The following PAQR3 variants were observed in gnomAD, a reference collection of about 807,000 sequenced individuals.
The protein encoded by PAQR3 is progestin and adipoQ receptor family member 3, also known as Raf kinase trapping to Golgi.
PAQR3 carries 39 observed loss-of-function variants against 41.7 expected under a neutral mutation model. The ratio of observed to expected loss-of-function variants is 0.93; its 90% confidence interval spans 0.72 to 1.22. The LOEUF (loss-of-function observed/expected upper bound fraction) is 1.22. PAQR3 is among the 50% of genes most tolerant of loss of function. The pLI, the probability that PAQR3 is intolerant of heterozygous loss-of-function variation, is 0.00. For synonymous variants in PAQR3, 140 were observed against 140.6 expected (o/e 1.00, Z 0.03); for missense variants, 366 against 385.6 (o/e 0.95, Z 0.42).
chr4:78,904,637 C>A (rs182709358), intron 11 of PAQR3, among the ~76,000 whole-genome samples: 1 of 152,002 alleles, frequency 6.6e-6, no homozygotes, highest in East Asian at 1.9e-4. Flanking sequence ...CAGACTCAAC[C>A]TCAAAAGATG....
At chr4:78,892,481 C>T (rs1733491874) in intron 11 of PAQR3, among the ~76,000 whole-genome samples, 1 of 152,148 alleles carries the variant, frequency 6.6e-6, no homozygotes, top group African/African-American at 2.4e-5. Flanking sequence ...TTTTATCAAA[C>T]TTGCTAAGGT....
Position 78,939,208 on chromosome 4 carries a change from A to T in PAQR3, c.17T>A (p.Leu6Gln), listed in dbSNP as rs756249945. 18 of 1,602,230 alleles carry T rather than the reference A, an allele frequency of 1.1e-5. No homozygotes were observed. The East Asian group carries it at 3.9e-4, about 35-fold the overall frequency. The change falls in exon 1 of 6, where the codon CTG becomes CAG. Residue 6 changes from leucine to glutamine, a missense_variant. By Grantham distance (113) the Leu-to-Gln change is moderately radical. Coordinates refer to ENST00000512733, the MANE Select transcript of PAQR3 (RefSeq NM_001040202.2). MHQKL[L>Q]KSAHYIELGS... is the part of the protein sequence containing the mutation. ...CAGCTCGATGTAATGCGCGCTCTTC[A>T]GCAGCTTCTGATGCATCGTTCCCGG...
At position 78,913,405 on chromosome 4, in the gene PAQR3, C is replaced by G. The variant is rs1734777927; in HGVS notation, c.*7134G>C. 1 of 152,140 alleles carries G rather than the reference C, an allele frequency of 6.6e-6. No homozygotes were observed. The highest frequency in any genetic ancestry group is 6.5e-5 in the Admixed American group (1 of 15,274). 9.4% of individuals were successfully genotyped at this position (152,140 alleles called of 1,614,324 possible). ...AGAAATCATTTAATGATAGAGATTA[C>G]ATATGTGAATTAATGTGAATATAGT... On this transcript the variant is annotated 3_prime_UTR_variant, in exon 6 of 6. Coordinates refer to ENST00000512733, the MANE Select transcript of PAQR3 (RefSeq NM_001040202.2).
intron 1 of PAQR3, among the ~76,000 whole-genome samples, chr4:78,936,637 A>C (rs978461687): frequency 2.6e-5 from 4 of 152,234 alleles, no homozygotes; most frequent in African/African-American, 9.6e-5. Context: ...TATCATGTAC[A>C]AGCATCAAGT....
intron 11 of PAQR3, among the ~76,000 whole-genome samples, chr4:78,894,960 C>CG (rs774717244): frequency 1.7e-4 from 26 of 152,230 alleles, no homozygotes; most frequent in Non-Finnish European, 3.4e-4. Context: ...AACAGCTGGT[C>CG]GGTAGATCAG....
chr4:78,894,162 G>A (rs767504215), intron 11 of PAQR3, among the ~76,000 whole-genome samples: 2 of 152,100 alleles, frequency 1.3e-5, no homozygotes, highest in Non-Finnish European at 2.9e-5. Context: ...GTTCTTAAGG[G>A]CCTCGAAGTT....
chr4:78,922,494 ACTG>A lies in PAQR3; in HGVS notation c.793+1360_793+1362del. ...TGCTCCCTGACTCATAGCTCTCCAA[ACTG>A]AAAAAAAACATCAGTTTTATGTACT... is the stretch of plus-strand genomic sequence containing the variant. On this transcript the variant is annotated intron_variant, in intron 5 of 5. Coordinates refer to ENST00000512733, the MANE Select transcript of PAQR3 (RefSeq NM_001040202.2). The A allele has an allele frequency of 2.5e-6, 3 of 1,196,094 alleles. No homozygotes were observed. In the Admixed American group the frequency reaches 6.9e-5, roughly 28 times the overall value. The allele number at this position is 1,196,094 out of a possible 1,614,324, so 74.1% of individuals were successfully genotyped here. A position where few individuals can be genotyped will look rare whatever the true frequency, so the allele number is the denominator to read the frequency against.
intron 2 of PAQR3, among the ~76,000 whole-genome samples, chr4:78,932,739 T>C (rs1737031557): frequency 6.6e-6 from 1 of 152,078 alleles, no homozygotes; most frequent in Non-Finnish European, 1.5e-5. Context: ...AAAGAAACTA[T>C]GGTATCCAAG....
At chr4:78,893,780 G>A (rs1012578286) in intron 11 of PAQR3, among the ~76,000 whole-genome samples, 6 of 152,122 alleles carry the variant, frequency 3.9e-5, no homozygotes, top group African/African-American at 7.2e-5. Flanking sequence ...GCCCAGGTTC[G>A]TCTTGAACTC....
At chr4:78,897,422 A>C (rs1733760085) in intron 11 of PAQR3, among the ~76,000 whole-genome samples, 1 of 151,962 alleles carries the variant, frequency 6.6e-6, no homozygotes, top group Non-Finnish European at 1.5e-5. Flanking sequence ...AGCAATGTAC[A>C]AATGTGTCTC....
chr4:78,911,028 A>G (rs1401884846), downstream of PAQR3: 1 of 1,613,784 alleles, frequency 6.2e-7, no homozygotes, highest in South Asian at 1.1e-5. Flanking sequence ...CTGGCAGTGG[A>G]CCAACCCAAG....
chr4:78,932,966 C>T, intron 2 of PAQR3: 2 of 337,064 alleles, frequency 5.9e-6, no homozygotes, highest in East Asian at 7.4e-5. Flanking sequence ...GTTACATTCA[C>T]ATCGAAACTC....
At chr4:78,908,570 A>G (rs1734403119), downstream of PAQR3, among the ~76,000 whole-genome samples, 1 of 152,156 alleles carries the variant, frequency 6.6e-6, no homozygotes, top group African/African-American at 2.4e-5. Context: ...CTGCATACCA[A>G]CTGCATGGTG....
At position 78,939,246 on chromosome 4, in the gene PAQR3, C is replaced by A. The variant is rs1737782343; in HGVS notation, c.-22G>T. ...GCATCGTTCCCGGCCGCCGCCGCTCCCCGGCTCGGGAGCTCCCCCAGGTCC... is the reference window on the plus strand; with the variant it reads ...GCATCGTTCCCGGCCGCCGCCGCTCACCGGCTCGGGAGCTCCCCCAGGTCC... On this transcript the variant is annotated 5_prime_UTR_variant, in exon 1 of 6. Coordinates refer to ENST00000512733, the MANE Select transcript of PAQR3 (RefSeq NM_001040202.2). 1 of 1,571,458 alleles carries A rather than the reference C, an allele frequency of 6.4e-7. No homozygotes were observed. The highest frequency in any genetic ancestry group is 1.4e-5 in the African/African-American group (1 of 71,060).
At chr4:78,922,558 T>A (rs1360974970) in intron 5 of PAQR3, 8 of 648,794 alleles carry the variant, frequency 1.2e-5, no homozygotes, top group African/African-American at 1.9e-5. Flanking sequence ...AAAACTTACC[T>A]GGATTTGCAT....
At chr4:78,936,707 C>T (rs1737461638) in intron 1 of PAQR3, among the ~76,000 whole-genome samples, 1 of 152,206 alleles carries the variant, frequency 6.6e-6, no homozygotes, top group African/African-American at 2.4e-5. Context: ...CATCTAACTA[C>T]AGGACTGTTT....
intron 5 of PAQR3, among the ~76,000 whole-genome samples, 169 bp from the exon 6 acceptor site, chr4:78,920,850 G>T (rs936629690): frequency 5.3e-5 from 8 of 151,720 alleles, no homozygotes; most frequent in African/African-American, 9.7e-5. Flanking sequence ...TTCATATTTG[G>T]GTCTAATTTT....
At position 78,914,637 on chromosome 4, in the gene PAQR3, AT is replaced by A. The variant is rs1734887909; in HGVS notation, c.*5901del. ...CACAGTACCTGGCACACAGCACTCA[AT>A]AAAAGTTTGGCTCTATTATGGGATG... is the stretch of plus-strand genomic sequence containing the variant. On this transcript the variant is annotated 3_prime_UTR_variant, in exon 6 of 6. Transcript: ENST00000512733. The A allele has an allele frequency of 1.3e-5, 2 of 151,850 alleles. No individual in the cohort carries two copies. The highest frequency in any genetic ancestry group is 4.8e-5 in the African/African-American group (2 of 41,366). The allele number at this position is 151,850 out of a possible 1,614,324, so 9.4% of individuals were successfully genotyped here.
At chr4:78,911,570 T>G, downstream of PAQR3, 1 of 1,614,000 alleles carries the variant, frequency 6.2e-7, no homozygotes. Flanking sequence ...AAGAAGACTT[T>G]GAAGCCTACC....
Sources: allele counts gnomAD v4.1 joint callset (sites outside exome capture counted in the v4.1 genomes callset), GRCh38; gene constraint gnomAD v4.1.1; transcripts MANE v1.5; gene names NCBI Gene and HGNC (gene_info 2026-07-23, HGNC 2026-07-21).